The following PAX7 variants were observed in gnomAD, a reference collection of about 807,000 sequenced individuals.
PAX7 encodes the protein paired box protein Pax-7.
PAX7 carries 18 observed loss-of-function variants against 50.7 expected under a neutral mutation model. That is an observed-to-expected ratio of 0.36 (90% confidence interval 0.25 to 0.53). The LOEUF (loss-of-function observed/expected upper bound fraction) is 0.53, where lower values mean the gene tolerates loss of function less well. Ranked by LOEUF, PAX7 falls within the 20% of genes least tolerant of loss-of-function variation. The probability of loss-of-function intolerance (pLI) is 0.93; values close to 1 mark genes in which losing one functional copy is unlikely to be tolerated. For synonymous variants in PAX7, 310 were observed against 290.4 expected (o/e 1.07, Z -0.69); for missense variants, 644 against 702.9 (o/e 0.92, Z 0.95).
chr1:18,666,874 G>T (rs1228542164), intron 4 of PAX7, among the ~76,000 whole-genome samples: 8 of 152,214 alleles, frequency 5.3e-5, no homozygotes, highest in African/African-American at 1.7e-4. Context: ...AAGGAAGTGG[G>T]ATTGAATTTC....
intron 4 of PAX7, among the ~76,000 whole-genome samples, chr1:18,676,029 G>A (rs886762566): frequency 3.3e-5 from 5 of 152,116 alleles, no homozygotes; most frequent in Admixed American, 6.5e-5. Flanking sequence ...GACATAATAC[G>A]TAACAGTAAT....
chr1:18,639,245 G>A (rs1187681959), intron 4 of PAX7, among the ~76,000 whole-genome samples: 3 of 152,176 alleles, frequency 2.0e-5, no homozygotes, highest in Non-Finnish European at 2.9e-5. Context: ...CTATTTATCC[G>A]CAATCAGTTC....
chr1:18,748,022 A>G lies in PAX7; in HGVS notation c.*3093A>G, dbSNP rs142165194. The G allele has an allele frequency of 2.3e-3, 475 of 206,088 alleles. 1 individual carries two copies. The highest frequency in any genetic ancestry group is 9.9e-3 in the African/African-American group (433 of 43,882). The allele number at this position is 206,088 out of a possible 1,614,324, so 12.8% of individuals were successfully genotyped here. ...AGAAGTGATGTGTAAGAACCAAGCT[A>G]TGCTTTTATACTTCCATTTTATACT... On this transcript the variant is annotated 3_prime_UTR_variant, in exon 9 of 9. Transcript: ENST00000420770.
At chr1:18,725,623 C>T (rs952366357) in intron 7 of PAX7, among the ~76,000 whole-genome samples, 3 of 152,178 alleles carry the variant, frequency 2.0e-5, no homozygotes, top group African/African-American at 7.2e-5. Context: ...CCATTTGCCG[C>T]GTGAAAGTGT....
chr1:18,654,749 A>T (rs1391642644), intron 4 of PAX7, among the ~76,000 whole-genome samples: 1 of 152,254 alleles, frequency 6.6e-6, no homozygotes, highest in Non-Finnish European at 1.5e-5. Context: ...TGAGCTAGAC[A>T]CAGCTCCTTT....
chr1:18,660,056 G>A (rs1340863355), intron 4 of PAX7, among the ~76,000 whole-genome samples: 6 of 152,206 alleles, frequency 3.9e-5, no homozygotes, highest in Non-Finnish European at 8.8e-5. Flanking sequence ...CCACGTTTGT[G>A]GGTAGAATTG....
intron 4 of PAX7, among the ~76,000 whole-genome samples, chr1:18,673,673 T>C (rs749917248): frequency 2.5e-4 from 38 of 152,208 alleles, no homozygotes; most frequent in South Asian, 2.1e-4. Context: ...CAGGATCAAA[T>C]TGGATTTTAA....
chr1:18,648,306 T>G (rs1404537882), intron 4 of PAX7, among the ~76,000 whole-genome samples: 1 of 150,202 alleles, frequency 6.7e-6, no homozygotes, highest in African/African-American at 2.5e-5. Flanking sequence ...GCAATGTCAC[T>G]CTTCATCCAT....
intron 5 of PAX7, among the ~76,000 whole-genome samples, chr1:18,695,022 A>G (rs1432451589): frequency 6.6e-6 from 1 of 152,078 alleles, no homozygotes; most frequent in Non-Finnish European, 1.5e-5. Context: ...CCAATCGTAT[A>G]ATATCTCATC....
chr1:18,740,375 A>G (rs1386662551), intron 8 of PAX7, among the ~76,000 whole-genome samples: 1 of 152,160 alleles, frequency 6.6e-6, no homozygotes, highest in Non-Finnish European at 1.5e-5. Flanking sequence ...GAGGCTGACA[A>G]GGATAAGGCA....
At chr1:18,678,782 T>C (rs1263768927) in intron 4 of PAX7, among the ~76,000 whole-genome samples, 1 of 151,450 alleles carries the variant, frequency 6.6e-6, no homozygotes. Context: ...AGGAACTAAT[T>C]TGAAGCCATC....
intron 1 of PAX7, among the ~76,000 whole-genome samples, chr1:18,631,898 T>C (rs1244011224): frequency 2.0e-5 from 3 of 152,166 alleles, no homozygotes; most frequent in Non-Finnish European, 4.4e-5. Flanking sequence ...CCGGCGGCCT[T>C]CGTTTCGCAG....
intron 4 of PAX7, among the ~76,000 whole-genome samples, chr1:18,658,499 G>A (rs568805519): frequency 1.3e-5 from 2 of 152,322 alleles, no homozygotes; most frequent in Admixed American, 6.5e-5. Context: ...GGTGTTATTG[G>A]CCCCACATGA....
chr1:18,734,392 C>T (rs929649063), intron 7 of PAX7, among the ~76,000 whole-genome samples: 4 of 152,126 alleles, frequency 2.6e-5, no homozygotes, highest in African/African-American at 9.7e-5. Flanking sequence ...GCCTGCCTCT[C>T]CCTCCTACCC....
chr1:18,644,546 G>A (rs548483128), intron 4 of PAX7, among the ~76,000 whole-genome samples: 1 of 151,946 alleles, frequency 6.6e-6, no homozygotes, highest in African/African-American at 2.4e-5. Flanking sequence ...TAGTATAAAG[G>A]GGTCTTTGGG....
intron 5 of PAX7, among the ~76,000 whole-genome samples, chr1:18,693,208 G>T (rs911847247): frequency 6.6e-6 from 1 of 152,158 alleles, no homozygotes; most frequent in Non-Finnish European, 1.5e-5. Context: ...GCCTGCAGAG[G>T]GGCCACCCCA....
intron 4 of PAX7, among the ~76,000 whole-genome samples, chr1:18,638,201 A>G (rs2088193146): frequency 6.6e-6 from 1 of 152,248 alleles, no homozygotes; most frequent in Admixed American, 6.5e-5. Flanking sequence ...ATCCAGTTCA[A>G]TCTGTGAGGA....
intron 4 of PAX7, among the ~76,000 whole-genome samples, chr1:18,664,164 A>G (rs974297396): frequency 1.2e-4 from 18 of 152,216 alleles, no homozygotes; most frequent in African/African-American, 4.3e-4. Context: ...ATCCAGTCTG[A>G]CCCTCTCACT....
chr1:18,735,548 G>T lies in PAX7; in HGVS notation c.1156-84G>T. On this transcript the variant is annotated intron_variant, in intron 7 of 8. Coordinates refer to ENST00000420770, the MANE Select transcript of PAX7 (RefSeq NM_001135254.2). This position sits in a 1 kb window ranked among gnomAD's most constrained non-coding sequence, Gnocchi z 4.0. ...AACAACTCTGGCAAAGAGTGTTCCA[G>T]GGCCAGCCTGGCATTGTGCCCAGTG... is the stretch of plus-strand genomic sequence containing the variant. 3 of 1,539,672 alleles carry T rather than the reference G, an allele frequency of 1.9e-6. No homozygotes were observed. Among genetic ancestry groups the T allele is most frequent in the Non-Finnish European group, 2.6e-6 (3 of 1,138,658 alleles).
Sources: allele counts gnomAD v4.1 joint callset (sites outside exome capture counted in the v4.1 genomes callset), GRCh38; gene constraint gnomAD v4.1.1; non-coding constraint Gnocchi (gnomAD v3.1); transcripts MANE v1.5; gene names NCBI Gene and HGNC (gene_info 2026-07-23, HGNC 2026-07-21).